ARHGAP39: variants seen among roughly 807,000 people sequenced by gnomAD.
ARHGAP39 encodes the protein Rho GTPase activating protein 39.
ARHGAP39 carries 44 observed loss-of-function variants against 106.9 expected under a neutral mutation model. That is an observed-to-expected ratio of 0.41 (90% CI 0.32 to 0.53). The LOEUF is 0.53. ARHGAP39 is among the 20% of genes least tolerant of loss of function. The probability of loss-of-function intolerance (pLI) is 0.21; values close to 1 mark genes in which losing one functional copy is unlikely to be tolerated. For synonymous variants in ARHGAP39, 768 were observed against 693.2 expected, an observed-to-expected ratio of 1.11 and a Z score of -1.69; for missense variants, 1,496 against 1,577.3, an observed-to-expected ratio of 0.95 and a Z score of 0.87.
chr8:144,648,158 T>A (rs950641738), intron 1 of ARHGAP39, among the ~76,000 whole-genome samples: 1 of 152,060 alleles, frequency 6.6e-6, no homozygotes, highest in Non-Finnish European at 1.5e-5. Context: ...CACCAGCTGC[T>A]CCACGGCCCC....
intron 2 of ARHGAP39, among the ~76,000 whole-genome samples, chr8:144,603,095 G>T (rs1361318608): frequency 6.9e-6 from 1 of 144,446 alleles, no homozygotes; most frequent in African/African-American, 2.6e-5. Context: ...GTGTGCGCGA[G>T]CTCATGTATC....
chr8:144,599,726 AAG>A (rs576257750), intron 2 of ARHGAP39, among the ~76,000 whole-genome samples: 396 of 152,358 alleles, frequency 2.6e-3, no homozygotes, highest in Non-Finnish European at 2.8e-3. Context: ...AGAAAAGAGA[AAG>A]AGCTAATCCA....
chr8:144,574,895 G>A (rs1408785101), intron 3 of ARHGAP39, among the ~76,000 whole-genome samples: 3 of 152,124 alleles, frequency 2.0e-5, no homozygotes, highest in Admixed American at 6.5e-5. Flanking sequence ...TGAGAAACAC[G>A]TCATCAGGCA....
rs1816788860 is a variant in ARHGAP39, at chr8:144,532,964, G to A, written c.2888+162C>T. Among the ~76,000 whole-genome samples the A allele has an allele frequency of 3.3e-5, 5 of 152,202 alleles. No homozygotes were observed. In the South Asian group the frequency reaches 1.0e-3, roughly 31 times the overall value. ...CTCTCTCCTGGCCTGCACACCCTCAGGGTCAGCTTCCACACTGTGGCCCCA... is the reference window on the plus strand; with the variant it reads ...CTCTCTCCTGGCCTGCACACCCTCAAGGTCAGCTTCCACACTGTGGCCCCA... On this transcript the variant is annotated intron_variant, in intron 9 of 11. Transcript: ENST00000377307.
At chr8:144,605,753 C>T (rs1820266797) in intron 1 of ARHGAP39, 58 bp from the exon 2 acceptor site, 1 of 784,294 alleles carries the variant, frequency 1.3e-6, no homozygotes, top group East Asian at 2.7e-5. Context: ...ACACCAATCA[C>T]CCGGCCCAGC....
In ARHGAP39 at chr8:144,598,215, C is replaced by T. The variant is rs769831766; in HGVS notation, c.80+7320G>A. Among the ~76,000 whole-genome samples, 16 of 152,302 alleles carry T rather than the reference C, an allele frequency of 1.1e-4. No homozygotes were observed. In the East Asian group the frequency reaches 1.2e-3, roughly 11 times the overall value. On this transcript the variant is annotated intron_variant, in intron 2 of 11. Transcript: ENST00000377307. Reference sequence around the variant, plus strand: ...TTCGGAACCCAGCCGTGGGCCTTTCCGCGTTGAGTGTAAAGGGGAAACTCG... The same window carrying T: ...TTCGGAACCCAGCCGTGGGCCTTTCTGCGTTGAGTGTAAAGGGGAAACTCG...
chr8:144,686,096 C>G (rs1270444550), upstream of ARHGAP39, among the ~76,000 whole-genome samples: 1 of 151,990 alleles, frequency 6.6e-6, no homozygotes, highest in African/African-American at 2.4e-5. Flanking sequence ...CGGTGTCTTC[C>G]CGTCTCTTTC....
At chr8:144,688,304 C>T (rs1485675413), upstream of ARHGAP39, among the ~76,000 whole-genome samples, 1 of 152,078 alleles carries the variant, frequency 6.6e-6, no homozygotes, top group African/African-American at 2.4e-5. Context: ...AGGGTTTCAC[C>T]GTGTTGGCCA....
chr8:144,574,149 G>GAAAAAA (rs35193383), intron 3 of ARHGAP39, among the ~76,000 whole-genome samples: 1 of 107,296 alleles, frequency 9.3e-6, no homozygotes, highest in African/African-American at 3.8e-5. Context: ...CTGGGTGACA[G>GAAAAAA]AAAAAAAAAA....
intron 1 of ARHGAP39, chr8:144,683,467 C>T (rs1416321565): frequency 6.6e-6 from 1 of 151,030 alleles, no homozygotes; most frequent in Non-Finnish European, 1.5e-5. Flanking sequence ...CTGTCTCAGC[C>T]TCCCCAGTAG....
intron 1 of ARHGAP39, among the ~76,000 whole-genome samples, chr8:144,672,873 C>G (rs11990845): frequency 0.036 from 5,489 of 152,218 alleles, 337 homozygotes; most frequent in African/African-American, 0.13. Context: ...ATGTTTAACT[C>G]AAGTCTTCTG....
intron 1 of ARHGAP39, among the ~76,000 whole-genome samples, chr8:144,651,387 C>G (rs1015499971): frequency 6.6e-6 from 1 of 152,114 alleles, no homozygotes; most frequent in Admixed American, 6.5e-5. Context: ...ACATTCTTCA[C>G]AAAACTAGAA....
intron 1 of ARHGAP39, among the ~76,000 whole-genome samples, chr8:144,638,039 C>G (rs1821219487): frequency 6.6e-6 from 1 of 152,090 alleles, no homozygotes; most frequent in African/African-American, 2.4e-5. Context: ...TGAATCCTGT[C>G]TTTTAGAAGC....
intron 1 of ARHGAP39, among the ~76,000 whole-genome samples, chr8:144,680,736 G>T (rs1241635618): frequency 1.3e-5 from 2 of 152,076 alleles, no homozygotes; most frequent in African/African-American, 4.8e-5. Flanking sequence ...GGAGGGGAAA[G>T]CCACACTAAA....
rs1026562130 is a variant in ARHGAP39, at chr8:144,529,712, G to C, written c.*710C>G. ...TCCCTCTATTTATATCTCTATACAC[G>C]GTGGGCTGCGATGCAGGATAGATTC... On this transcript the variant is annotated 3_prime_UTR_variant, in exon 12 of 12. Transcript: ENST00000377307. 1 of 152,162 alleles carries C rather than the reference G, an allele frequency of 6.6e-6. No homozygotes were observed. Among genetic ancestry groups the C allele is most frequent in the Non-Finnish European group, 1.5e-5 (1 of 68,036 alleles). 9.4% of individuals were successfully genotyped at this position (152,162 alleles called of 1,614,324 possible).
chr8:144,537,429 C>A (rs531391751), intron 7 of ARHGAP39, among the ~76,000 whole-genome samples: 23 of 152,266 alleles, frequency 1.5e-4, no homozygotes, highest in African/African-American at 4.8e-4. Flanking sequence ...CTGGGGGCAC[C>A]TCCAGGAGCC....
rs147701119 is a variant in ARHGAP39 at position 144,581,091 on chromosome 8, G to A, written c.267C>T (p.Arg89=). 127 of 1,590,358 alleles carry A rather than the reference G, an allele frequency of 8.0e-5. 1 individual carries two copies. The African/African-American group carries it at 1.6e-3, about 21-fold the overall frequency. ...RFYYYNASTQ[R]TVWHRPQGCD... The stretch of plus-strand genomic sequence containing the variant: ...AGCCCTGCGGCCGGTGCCACACCGT[G>A]CGCTGCGTGCTGGCATTGTAGTAGT... The change falls in exon 3 of 12, where the codon CGC becomes CGT. Residue 89 remains arginine (R), a synonymous_variant. Transcript: ENST00000377307.
In ARHGAP39 at chr8:144,600,039, G is replaced by A. The variant is rs145688570; in HGVS notation, c.80+5496C>T. 2.4e-3 allele frequency among the ~76,000 whole-genome samples: 365 copies of A among 152,344 alleles called. 3 individuals are homozygous for A. The highest frequency in any genetic ancestry group is 7.9e-3 in the African/African-American group (330 of 41,578). On this transcript the variant is annotated intron_variant, in intron 2 of 11. Transcript: ENST00000377307. ...GCATTTCTAGGAGGCGTTTGTGCGC[G>A]TGGAGGCATGCATGCATGTTCATGT...
At chr8:144,553,503 T>C (rs909368014) in intron 4 of ARHGAP39, among the ~76,000 whole-genome samples, 1 of 152,092 alleles carries the variant, frequency 6.6e-6, no homozygotes, top group African/African-American at 2.4e-5. Flanking sequence ...TGCTCCACCT[T>C]CCCAGCTAAA....
Sources: gnomAD v4.1 joint callset for allele counts (sites outside exome capture counted in the v4.1 genomes callset) on GRCh38, gnomAD v4.1.1 for gene constraint, MANE v1.5 for transcripts, NCBI Gene and HGNC (gene_info 2026-07-23, HGNC 2026-07-21) for gene names.